The following ATG16L2 variants were observed in gnomAD, a reference collection of about 807,000 sequenced individuals.
The protein encoded by ATG16L2 is protein Atg16l2.
ATG16L2 carries 77 observed loss-of-function variants against 84.7 expected under a neutral mutation model. The ratio of observed to expected loss-of-function variants is 0.91; its 90% confidence interval spans 0.76 to 1.10. The LOEUF (loss-of-function observed/expected upper bound fraction) is 1.10, where lower values mean the gene tolerates loss of function less well. ATG16L2 is among the 50% of genes least tolerant of loss of function. ATG16L2 has a pLI of 0.00. For missense variants in ATG16L2, 782 were observed against 817.6 expected, an observed-to-expected ratio of 0.96 and a Z score of 0.53; for synonymous variants, 361 against 342.8, an observed-to-expected ratio of 1.05 and a Z score of -0.59.
intron 2 of ATG16L2, 52 bp from the exon 3 acceptor site, chr11:72,817,704 G>T (rs1430788048): frequency 1.3e-6 from 2 of 1,582,038 alleles, no homozygotes; most frequent in East Asian, 2.2e-5. Flanking sequence ...GGGTGCCTTT[G>T]GGCACTTGGG....
intron 4 of ATG16L2, 59 bp from the exon 5 acceptor site, chr11:72,821,985 C>G: frequency 2.8e-6 from 4 of 1,450,500 alleles, no homozygotes; most frequent in Non-Finnish European, 3.6e-6. Context: ...GAGGCATATT[C>G]CCACTGGGCA....
intron 5 of ATG16L2, among the ~76,000 whole-genome samples, chr11:72,835,031 G>A (rs1344647860): frequency 2.0e-5 from 3 of 152,218 alleles, no homozygotes; most frequent in Admixed American, 6.5e-5. Context: ...AGAGAGGAAG[G>A]GGATCTAGGT....
chr11:72,829,192 A>G, intron 17 of ATG16L2, 111 bp from the exon 18 acceptor site: 1 of 1,259,474 alleles, frequency 7.9e-7, no homozygotes, highest in South Asian at 1.4e-5. Context: ...CAGATGAGGA[A>G]ACAGGCTCAA....
rs1591288650 is a variant in ATG16L2, at chr11:72,814,567, A to G, written c.118+4A>G. On this transcript the variant is annotated splice_donor_region_variant and intron_variant, in intron 1 of 17. Coordinates refer to ENST00000321297, the MANE Select transcript of ATG16L2 (RefSeq NM_033388.2). ...TTCCTGGAGCTGGTGCCGGCCTGTG[A>G]GTGCGCCCCGGTGCTGAGAGGATGG... 4 of 1,567,574 alleles carry G rather than the reference A, an allele frequency of 2.6e-6. No individual in the cohort carries two copies. The highest frequency in any genetic ancestry group is 1.7e-6 in the Non-Finnish European group (2 of 1,154,048).
intron 5 of ATG16L2, among the ~76,000 whole-genome samples, chr11:72,840,399 G>A (rs1254969363): frequency 6.6e-6 from 1 of 152,206 alleles, no homozygotes; most frequent in Admixed American, 6.5e-5. Context: ...GAGTACAGTG[G>A]TGGGTGGAAT....
At chr11:72,831,325 A>T (rs1263879397), downstream of ATG16L2, among the ~76,000 whole-genome samples, 1 of 152,224 alleles carries the variant, frequency 6.6e-6, no homozygotes, top group Non-Finnish European at 1.5e-5. Context: ...TGAGCAACAT[A>T]GTGAAACCTT....
chr11:72,828,426 C>G lies in ATG16L2; in HGVS notation c.1540C>G (p.Gln514Glu). Residue 514 changes from glutamine to glutamate, a missense_variant, in exon 15 of 18, where the codon CAA becomes GAA. Coordinates refer to ENST00000321297, the MANE Select transcript of ATG16L2 (RefSeq NM_033388.2). ...CACCTCCCTGAGCCTCAGCCACGAC[C>G]AACTGCACCTGCTCAGCTGTTCCCG... Reference protein sequence around the residue: ...RVTSLSLSHDQLHLLSCSRDN... With the variant: ...RVTSLSLSHDELHLLSCSRDN... The G allele has an allele frequency of 6.2e-7, 1 of 1,614,064 alleles. No homozygotes were observed. The highest frequency in any genetic ancestry group is 1.1e-5 in the South Asian group (1 of 91,080).
chr11:72,827,381 G>T (rs868735138), intron 14 of ATG16L2, 88 bp downstream of exon 14: 29 of 1,139,920 alleles, frequency 2.5e-5, no homozygotes, highest in African/African-American at 4.6e-5. Flanking sequence ...ATGGCAGGAG[G>T]AGTCTTGGTG....
intron 5 of ATG16L2, among the ~76,000 whole-genome samples, chr11:72,842,251 G>GGA (rs368123466): frequency 5.9e-5 from 9 of 152,152 alleles, no homozygotes; most frequent in Admixed American, 2.6e-4. Context: ...TGACAGTGAG[G>GGA]GAGAGAGAGA....
chr11:72,826,619 G>A, intron 12 of ATG16L2, 30 bp downstream of exon 12: 1 of 1,614,142 alleles, frequency 6.2e-7, no homozygotes, highest in South Asian at 1.1e-5. Context: ...GCTGCCTGGA[G>A]GTCAGAGGTC....
At chr11:72,816,691 T>C in intron 1 of ATG16L2, 37 bp from the exon 2 acceptor site, 3 of 1,541,456 alleles carry the variant, frequency 1.9e-6, no homozygotes, top group Non-Finnish European at 1.8e-6. Flanking sequence ...GCTGGGTATC[T>C]GTCTCTGCCC....
At chr11:72,829,683 G>A, downstream of ATG16L2, 2 of 1,106,634 alleles carry the variant, frequency 1.8e-6, no homozygotes, top group Non-Finnish European at 2.2e-6. Context: ...GAGACCTTTG[G>A]GCTAGTGGGC....
At chr11:72,816,678 G>A in intron 1 of ATG16L2, 50 bp from the exon 2 acceptor site, 1 of 1,445,818 alleles carries the variant, frequency 6.9e-7, no homozygotes, top group South Asian at 1.1e-5. Flanking sequence ...ATGCCAGGGG[G>A]CTGCTGGGTA....
At chr11:72,824,520 G>GC in intron 8 of ATG16L2, 1 of 590,816 alleles carries the variant, frequency 1.7e-6, no homozygotes. Flanking sequence ...ACCCTACCCT[G>GC]CTCCTGTGTC....
At chr11:72,814,658 A>G in intron 1 of ATG16L2, 95 bp downstream of exon 1, 1 of 1,034,430 alleles carries the variant, frequency 9.7e-7, no homozygotes, top group Admixed American at 2.5e-5. Flanking sequence ...CTGTGACCCG[A>G]GTGCGCTGTG....
downstream of ATG16L2, chr11:72,829,680 T>G (rs529125082): frequency 2.7e-6 from 3 of 1,128,122 alleles, no homozygotes; most frequent in Non-Finnish European, 3.3e-6. Context: ...ACAGAGACCT[T>G]TGGGCTAGTG....
chr11:72,817,453 T>C (rs1489963188), intron 2 of ATG16L2, among the ~76,000 whole-genome samples: 1 of 152,200 alleles, frequency 6.6e-6, no homozygotes, highest in Non-Finnish European at 1.5e-5. Context: ...TCTCTTGATC[T>C]TGTGATCCTT....
At chr11:72,843,550 C>G in exon 6 of ATG16L2, 2 of 1,595,368 alleles carry the variant, frequency 1.3e-6, no homozygotes, top group Non-Finnish European at 1.7e-6. Context: ...GTAGGATGGT[C>G]ATGGACAAAA....
chr11:72,825,668 G>C (rs974325608), intron 10 of ATG16L2, among the ~76,000 whole-genome samples: 2 of 152,106 alleles, frequency 1.3e-5, no homozygotes, highest in Non-Finnish European at 2.9e-5. Context: ...GGGGATTGGT[G>C]GGGGTCCCCT....
Sources: gnomAD v4.1 joint callset for allele counts (sites outside exome capture counted in the v4.1 genomes callset) on GRCh38, gnomAD v4.1.1 for gene constraint, MANE v1.5 for transcripts, NCBI Gene and HGNC (gene_info 2026-07-23, HGNC 2026-07-21) for gene names.